The following GRID1 variants were observed in gnomAD, a reference collection of about 807,000 sequenced individuals.
GRID1 encodes the protein glutamate ionotropic receptor delta type subunit 1.
In GRID1, 28 loss-of-function variants were observed where a neutral mutation model predicts 98.0. The observed-to-expected ratio is 0.29, with a 90% CI of 0.21 to 0.39. The LOEUF is 0.39. GRID1 is among the 10% of genes least tolerant of loss of function. The pLI is 1.00. For missense variants in GRID1, 1,111 were observed against 1,340.5 expected, an observed-to-expected ratio of 0.83 and a Z score of 2.67; for synonymous variants, 553 against 538.5, an observed-to-expected ratio of 1.03 and a Z score of -0.37.
At chr10:86,004,995 G>T (rs979977537) in intron 4 of GRID1, among the ~76,000 whole-genome samples, 7 of 152,178 alleles carry the variant, frequency 4.6e-5, no homozygotes, top group African/African-American at 1.7e-4. Context: ...TAGAGGAGCT[G>T]AATAACTTAC....
chr10:85,996,579 A>T (rs140320358), intron 4 of GRID1, among the ~76,000 whole-genome samples: 1 of 152,222 alleles, frequency 6.6e-6, no homozygotes, highest in East Asian at 1.9e-4. Flanking sequence ...ACAGAGCATC[A>T]GGGACCTATG....
Position 86,221,357 on chromosome 10 carries a change from C to T in GRID1, c.236-14709G>A, listed in dbSNP as rs75961820. ...GCCATAATAGACAGATTGGGAGCCACGTTCTCCCAGCAGGTTATCAAATTG... is the reference window on the plus strand; with the variant it reads ...GCCATAATAGACAGATTGGGAGCCATGTTCTCCCAGCAGGTTATCAAATTG... On this transcript the variant is annotated intron_variant, in intron 2 of 15. Coordinates refer to ENST00000327946, the MANE Select transcript of GRID1 (RefSeq NM_017551.3). 2.9e-3 allele frequency among the ~76,000 whole-genome samples: 443 copies of T among 152,348 alleles called. 1 individual carries two copies. The highest frequency in any genetic ancestry group is 4.8e-3 in the Non-Finnish European group (328 of 68,028).
chr10:86,129,750 A>C (rs1261554026), intron 4 of GRID1, among the ~76,000 whole-genome samples: 1 of 152,180 alleles, frequency 6.6e-6, no homozygotes, highest in African/African-American at 2.4e-5. Flanking sequence ...TGCTAGATGG[A>C]CAACAAAATG....
intron 4 of GRID1, among the ~76,000 whole-genome samples, chr10:86,093,695 T>C (rs1321344984): frequency 6.6e-6 from 1 of 152,010 alleles, no homozygotes; most frequent in Non-Finnish European, 1.5e-5. Flanking sequence ...AGCAGTGGGA[T>C]TGAAATGGTA....
rs1352148876 is a variant in GRID1, at chr10:85,647,207, T to G, written c.2188A>C (p.Arg730=). 1 of 1,613,992 alleles carries G rather than the reference T, an allele frequency of 6.2e-7. No homozygotes were observed. The highest frequency in any genetic ancestry group is 8.5e-7 in the Non-Finnish European group (1 of 1,179,804). Residue 730 remains arginine, a synonymous_variant, in exon 13 of 16, where the codon AGG becomes CGG. Transcript: ENST00000327946. The part of the protein sequence containing the change: ...NCVSSPSEGI[R]KAKKGNYAFL... Reference sequence around the variant, plus strand: ...AAGCGCCAGCTCCTGCCTACCTTCCTGATGCCTTCTGAAGGACTGGACACG... The same window carrying G: ...AAGCGCCAGCTCCTGCCTACCTTCCGGATGCCTTCTGAAGGACTGGACACG...
intron 8 of GRID1, among the ~76,000 whole-genome samples, chr10:85,808,974 G>A (rs994936823): frequency 6.6e-6 from 1 of 152,054 alleles, no homozygotes; most frequent in African/African-American, 2.4e-5. Context: ...ATGCTTGTAT[G>A]TCAAAGAAAA....
At chr10:86,361,900 G>A (rs369789723) in intron 2 of GRID1, among the ~76,000 whole-genome samples, 27 of 152,340 alleles carry the variant, frequency 1.8e-4, no homozygotes, top group African/African-American at 6.3e-4. Flanking sequence ...CCAGCTGCCC[G>A]GTTCATCCTT....
At chr10:85,642,939 T>G (rs758701218) in intron 13 of GRID1, among the ~76,000 whole-genome samples, 5 of 152,138 alleles carry the variant, frequency 3.3e-5, no homozygotes, top group Non-Finnish European at 5.9e-5. Context: ...ATGATGTGTA[T>G]TGGCATGAAG....
chr10:86,259,987 G>T (rs1846987550), intron 2 of GRID1, among the ~76,000 whole-genome samples: 2 of 152,200 alleles, frequency 1.3e-5, no homozygotes, highest in African/African-American at 4.8e-5. Flanking sequence ...TAATACGCTG[G>T]CTTGTGTTCA....
At chr10:86,049,521 A>G (rs531486021) in intron 4 of GRID1, among the ~76,000 whole-genome samples, 2 of 152,356 alleles carry the variant, frequency 1.3e-5, no homozygotes, top group South Asian at 4.1e-4. Flanking sequence ...AAGTCCGGCT[A>G]TGCCACACCA....
chr10:86,115,000 A>T (rs1844552621), intron 4 of GRID1, among the ~76,000 whole-genome samples: 1 of 152,014 alleles, frequency 6.6e-6, no homozygotes, highest in South Asian at 2.1e-4. Flanking sequence ...TATCTTCCCC[A>T]TTTCCTCAGG....
At chr10:85,936,173 G>C (rs1014579154) in intron 4 of GRID1, among the ~76,000 whole-genome samples, 1 of 152,216 alleles carries the variant, frequency 6.6e-6, no homozygotes, top group Non-Finnish European at 1.5e-5. Flanking sequence ...AACAGATGAT[G>C]CTGAACTACA....
intron 5 of GRID1, among the ~76,000 whole-genome samples, chr10:85,883,787 A>C (rs1841073031): frequency 6.6e-6 from 1 of 152,194 alleles, no homozygotes; most frequent in Non-Finnish European, 1.5e-5. Context: ...AAATAGTGGA[A>C]ACTGGGATCA....
chr10:85,944,608 G>A (rs545162639), intron 4 of GRID1, among the ~76,000 whole-genome samples: 36 of 152,240 alleles, frequency 2.4e-4, no homozygotes, highest in African/African-American at 8.2e-4. Flanking sequence ...GGCTGTATTG[G>A]GGGAGGAGGA....
chr10:85,949,834 T>C (rs1249401451), intron 4 of GRID1, among the ~76,000 whole-genome samples: 1 of 152,120 alleles, frequency 6.6e-6, no homozygotes, highest in Non-Finnish European at 1.5e-5. Context: ...ATGTGTTTCT[T>C]GTGTGTGTGT....
chr10:85,909,903 G>A (rs146822710), intron 5 of GRID1, among the ~76,000 whole-genome samples: 1 of 152,184 alleles, frequency 6.6e-6, no homozygotes, highest in Non-Finnish European at 1.5e-5. Context: ...TGTATGTATT[G>A]CATGTCAATT....
In GRID1 at chr10:85,768,413, T is replaced by TAA. The variant is rs11451116; in HGVS notation, c.1234-38801_1234-38800dup. On this transcript the variant is annotated intron_variant, in intron 8 of 15. Transcript: ENST00000327946. ...GACTACGTGAAAACCTTCCAAGTGGTAAAAAAAAAATGATAATAACAAAAA... is the reference window on the plus strand; with the variant it reads ...GACTACGTGAAAACCTTCCAAGTGGTAAAAAAAAAAAATGATAATAACAAAAA... Among the ~76,000 whole-genome samples, 780 of 149,888 alleles carry TAA rather than the reference T, an allele frequency of 5.2e-3. 3 individuals carry two copies. Among genetic ancestry groups the TAA allele is most frequent in the East Asian group, 0.03 (153 of 5,114 alleles).
At chr10:85,750,366 T>C (rs1422421901) in intron 8 of GRID1, among the ~76,000 whole-genome samples, 2 of 152,222 alleles carry the variant, frequency 1.3e-5, no homozygotes, top group Non-Finnish European at 2.9e-5. Flanking sequence ...CTGAAAGATA[T>C]GATTACTCCT....
At chr10:85,615,668 C>A (rs756505485) in intron 14 of GRID1, among the ~76,000 whole-genome samples, 33 of 152,328 alleles carry the variant, frequency 2.2e-4, no homozygotes, top group South Asian at 8.3e-4. Context: ...ACACTACAGA[C>A]CTCTCTCATG....
Sources: allele counts gnomAD v4.1 joint callset (sites outside exome capture counted in the v4.1 genomes callset), GRCh38; gene constraint gnomAD v4.1.1; transcripts MANE v1.5; gene names NCBI Gene and HGNC (gene_info 2026-07-23, HGNC 2026-07-21).